SYCP1: variants seen among roughly 807,000 people sequenced by gnomAD.
The protein encoded by SYCP1 is cancer/testis antigen 8.
In SYCP1, 64 loss-of-function variants were observed where a neutral mutation model predicts 153.1. That is an observed-to-expected ratio of 0.42 (90% confidence interval 0.34 to 0.51). The LOEUF is 0.51. SYCP1 is among the 20% of genes least tolerant of loss of function. The pLI, the probability that SYCP1 is intolerant of heterozygous loss-of-function variation, is 0.06. For synonymous variants in SYCP1, 384 were observed against 341.8 expected, an observed-to-expected ratio of 1.12 and a Z score of -1.36; for missense variants, 997 against 1,049.0, an observed-to-expected ratio of 0.95 and a Z score of 0.68.
At chr1:114,876,393 T>C (rs1036570935) in intron 10 of SYCP1, among the ~76,000 whole-genome samples, 2 of 151,902 alleles carry the variant, frequency 1.3e-5, no homozygotes, top group African/African-American at 4.8e-5. Context: ...TGTGATTTGG[T>C]CTCTTTTTAC....
At chr1:114,891,522 G>T (rs567602678) in intron 15 of SYCP1, among the ~76,000 whole-genome samples, 3 of 152,308 alleles carry the variant, frequency 2.0e-5, no homozygotes, top group Middle Eastern at 3.4e-3. Context: ...CATACCAAGT[G>T]AGTTGAAGTC....
At chr1:114,940,473 C>A (rs1670316225) in intron 23 of SYCP1, among the ~76,000 whole-genome samples, 1 of 152,156 alleles carries the variant, frequency 6.6e-6, no homozygotes, top group Non-Finnish European at 1.5e-5. Context: ...AAATTTCCCA[C>A]TAAGTATTGC....
Position 114,944,911 on chromosome 1 carries a change from T to G in SYCP1, c.2083T>G (p.Leu695Val). The change falls in exon 25 of 32, where the codon TTA becomes GTA. Residue 695 changes from leucine to valine, a missense_variant. Transcript: ENST00000369522. ...AKVIADEAVK[L>V]QKEIDKRCQH... ...AGTAATAGCTGATGAAGCAGTAAAATTACAGAAAGAAATTGATAAGCGATG... is the reference window on the plus strand; with the variant it reads ...AGTAATAGCTGATGAAGCAGTAAAAGTACAGAAAGAAATTGATAAGCGATG... 2 of 1,604,458 alleles carry G rather than the reference T, an allele frequency of 1.2e-6. No individual in the cohort carries two copies. The highest frequency in any genetic ancestry group is 2.7e-5 in the African/African-American group (2 of 74,486).
At chr1:114,858,465 A>G in intron 5 of SYCP1, 82 bp from the exon 6 acceptor site, 1 of 1,180,694 alleles carries the variant, frequency 8.5e-7, no homozygotes, top group Non-Finnish European at 1.2e-6. Context: ...AACTATTAGT[A>G]TATGGATATT....
intron 20 of SYCP1, among the ~76,000 whole-genome samples, chr1:114,919,688 G>C (rs192464846): frequency 2.6e-5 from 4 of 151,854 alleles, no homozygotes; most frequent in Non-Finnish European, 5.9e-5. Flanking sequence ...CTTGTTTTTC[G>C]TCTGTTCAGG....
chr1:114,949,619 A>T (rs190719890), intron 27 of SYCP1, among the ~76,000 whole-genome samples: 5 of 152,066 alleles, frequency 3.3e-5, no homozygotes, highest in African/African-American at 1.2e-4. Context: ...CTTGATTACT[A>T]TGTCTGTGGT....
intron 27 of SYCP1, among the ~76,000 whole-genome samples, chr1:114,968,541 T>A (rs1218168668): frequency 6.7e-6 from 1 of 150,160 alleles, no homozygotes; most frequent in Non-Finnish European, 1.5e-5. Flanking sequence ...GTCTTTTCTG[T>A]TCTCTAAACT....
chr1:114,876,495 A>G (rs750953296), intron 10 of SYCP1, among the ~76,000 whole-genome samples: 14 of 151,638 alleles, frequency 9.2e-5, no homozygotes, highest in Non-Finnish European at 1.9e-4. Flanking sequence ...TGTGTTTTAG[A>G]GAATAAAGTT....
intron 28 of SYCP1, 85 bp downstream of exon 28, chr1:114,977,701 G>T: frequency 1.2e-6 from 1 of 854,666 alleles, no homozygotes; most frequent in Non-Finnish European, 1.8e-6. Context: ...TTATAAGTAG[G>T]AAAATAACAT....
intron 17 of SYCP1, among the ~76,000 whole-genome samples, chr1:114,910,788 T>C (rs1329304078): frequency 6.6e-6 from 1 of 152,060 alleles, no homozygotes; most frequent in Admixed American, 6.6e-5. Flanking sequence ...TGAGACAGAG[T>C]CTTGCTATGT....
intron 30 of SYCP1, among the ~76,000 whole-genome samples, chr1:114,988,051 C>T (rs1570925318): frequency 9.6e-6 from 1 of 103,866 alleles, no homozygotes; most frequent in African/African-American, 3.6e-5. Context: ...TAAAGATAGA[C>T]AATTGAAGTT....
At chr1:114,914,190 C>G (rs1668366014) in intron 20 of SYCP1, 145 bp downstream of exon 20, 1 of 576,910 alleles carries the variant, frequency 1.7e-6, no homozygotes, top group Non-Finnish European at 2.8e-6. Context: ...TTGTGGAATC[C>G]TGCTTAAAAA....
At chr1:114,888,013 C>G (rs1302252496) in intron 15 of SYCP1, among the ~76,000 whole-genome samples, 1 of 152,094 alleles carries the variant, frequency 6.6e-6, no homozygotes. Flanking sequence ...AATAATTCTT[C>G]GTGAGAAATG....
intron 20 of SYCP1, among the ~76,000 whole-genome samples, chr1:114,919,826 C>T (rs1333895878): frequency 1.3e-5 from 2 of 151,890 alleles, no homozygotes; most frequent in Non-Finnish European, 1.5e-5. Context: ...CTTTGAATTT[C>T]TGTGATATTG....
intron 27 of SYCP1, among the ~76,000 whole-genome samples, chr1:114,966,533 T>C (rs1672138808): frequency 6.6e-6 from 1 of 152,208 alleles, no homozygotes; most frequent in Admixed American, 6.5e-5. Flanking sequence ...CCAGAGATTC[T>C]GGTACGTTGT....
At chr1:114,969,944 C>A (rs1047492840) in intron 27 of SYCP1, among the ~76,000 whole-genome samples, 3 of 152,170 alleles carry the variant, frequency 2.0e-5, no homozygotes, top group Non-Finnish European at 4.4e-5. Flanking sequence ...AACACCCACC[C>A]CTGCTTCTGC....
chr1:114,919,961 TTGA>T (rs2101711336), intron 20 of SYCP1, among the ~76,000 whole-genome samples: 1 of 152,136 alleles, frequency 6.6e-6, no homozygotes, highest in South Asian at 2.1e-4. Context: ...TTTTGTTTTG[TTGA>T]TGTTTTGTAT....
At chr1:114,939,394 A>C (rs1048837026) in intron 23 of SYCP1, among the ~76,000 whole-genome samples, 10 of 152,238 alleles carry the variant, frequency 6.6e-5, no homozygotes, top group Non-Finnish European at 8.8e-5. Context: ...GGAAACACAT[A>C]AAATGTTCAT....
intron 12 of SYCP1, 40 bp from the exon 13 acceptor site, chr1:114,885,495 C>A: frequency 8.4e-7 from 1 of 1,190,396 alleles, no homozygotes; most frequent in Admixed American, 2.3e-5. Flanking sequence ...TGGTATATAT[C>A]TTCTGCTAAG....
Sources: allele counts gnomAD v4.1 joint callset (sites outside exome capture counted in the v4.1 genomes callset), GRCh38; gene constraint gnomAD v4.1.1; transcripts MANE v1.5; gene names NCBI Gene and HGNC (gene_info 2026-07-23, HGNC 2026-07-21).